CASK: variants seen among roughly 807,000 people sequenced by gnomAD.
CASK encodes the protein calcium/calmodulin dependent serine protein kinase.
A neutral mutation model predicts 82.9 loss-of-function variants in CASK; 4 were observed. The ratio of observed to expected loss-of-function variants is 0.05; its 90% CI spans 0.02 to 0.11. CASK has a LOEUF of 0.11. CASK is among the 10% of genes least tolerant of loss of function. The pLI is 1.00. For synonymous variants in CASK, 259 were observed against 253.5 expected (o/e 1.02, Z -0.20); for missense variants, 358 against 720.9 (o/e 0.50, Z 5.76).
At chrX:41,638,605 T>G (rs2066597990) in intron 8 of CASK, among the ~76,000 whole-genome samples, 1 of 110,639 alleles carries the variant, frequency 9.0e-6, no homozygotes, top group Non-Finnish European at 1.9e-5. Context: ...AAAGTGACAT[T>G]TAGAAGAGGT....
chrX:41,551,747 G>C (rs2065099588), intron 21 of CASK, among the ~76,000 whole-genome samples: 1 of 107,832 alleles, frequency 9.3e-6, no homozygotes, highest in Admixed American at 9.9e-5. Context: ...ATATGTGGTG[G>C]CGGGTGCCTG....
rs142171578 is a variant in CASK, at chrX:41,882,839, T to C, written c.60-29612A>G. ...TCCTTTCTTGGCAATTACATCCACATATTTCTTCCGTCATACTTTTTCCTT... is the reference window on the plus strand; with the variant it reads ...TCCTTTCTTGGCAATTACATCCACACATTTCTTCCGTCATACTTTTTCCTT... On this transcript the variant is annotated intron_variant, in intron 1 of 26. Transcript: ENST00000378163. Among the ~76,000 whole-genome samples the C allele has an allele frequency of 7.3e-3, 816 of 111,893 alleles. 9 individuals carry two copies. The highest frequency in any genetic ancestry group is 0.025 in the African/African-American group (781 of 30,870).
Position 41,833,272 on chromosome X carries a change from A to G in CASK, c.172+19843T>C, listed in dbSNP as rs142709761. Among the ~76,000 whole-genome samples, 140 of 112,129 alleles carry G rather than the reference A, an allele frequency of 1.2e-3. 2 individuals carry two copies. The highest frequency in any genetic ancestry group is 4.4e-3 in the African/African-American group (136 of 30,864). ...CAACCCAAATGTACATCAACTAATG[A>G]ATCGATATATATCTACACAATGGAA... On this transcript the variant is annotated intron_variant, in intron 2 of 26. Coordinates refer to ENST00000378163, the MANE Select transcript of CASK (RefSeq NM_001367721.1).
chrX:41,706,776 C>A (rs1273385402), intron 5 of CASK, among the ~76,000 whole-genome samples: 3 of 111,640 alleles, frequency 2.7e-5, no homozygotes, highest in Non-Finnish European at 3.8e-5. Flanking sequence ...CTCAGTCTCC[C>A]ACGTAGTAGG....
intron 16 of CASK, among the ~76,000 whole-genome samples, chrX:41,568,257 G>GA (rs1158121226): frequency 1.1e-3 from 115 of 100,827 alleles, no homozygotes; most frequent in African/African-American, 3.3e-3. Context: ...AAAAAGAAAA[G>GA]AAAAAAAAAA....
chrX:41,833,860 C>A (rs1007162773), intron 2 of CASK, among the ~76,000 whole-genome samples: 1 of 111,402 alleles, frequency 9.0e-6, no homozygotes, highest in Non-Finnish European at 1.9e-5. Context: ...GCGATCCTCC[C>A]ACCTCAGCCT....
At chrX:41,587,526 C>T (rs2065675145) in intron 13 of CASK, 1 of 112,285 alleles carries the variant, frequency 8.9e-6, no homozygotes. Context: ...CCTGCCGGAT[C>T]AATGTTTTTC....
At position 41,812,271 on chromosome X, in the gene CASK, G is replaced by GCA. The variant is rs756826468; in HGVS notation, c.173-24990_173-24989dup. Among the ~76,000 whole-genome samples, 46 of 111,536 alleles carry GCA rather than the reference G, an allele frequency of 4.1e-4. No individual in the cohort carries two copies. In the East Asian group the frequency reaches 0.011, roughly 27 times the overall value. ...AGCATCATCCTGATACCAAAGGCTGGCAGAGGCACAACAAAAAAAAGGGAA... is the reference window on the plus strand; with the variant it reads ...AGCATCATCCTGATACCAAAGGCTGGCACAGAGGCACAACAAAAAAAAGGGAA... On this transcript the variant is annotated intron_variant, in intron 2 of 26. Coordinates refer to ENST00000378163, the MANE Select transcript of CASK (RefSeq NM_001367721.1).
rs1219917604 is a variant in CASK, at chrX:41,923,286, A to G, written c.-298T>C. On this transcript the variant is annotated 5_prime_UTR_variant, in exon 1 of 27. Transcript: ENST00000378163. ...TCGGGCCGCGCTGCCCGGCGTGCGG[A>G]TCCTCGGGGACCGCGCGGCGTCGCG... The G allele has an allele frequency of 9.4e-6, 1 of 106,606 alleles. No homozygotes were observed. Among genetic ancestry groups the G allele is most frequent in the Non-Finnish European group, 2.0e-5 (1 of 51,023 alleles). 8.8% of individuals were successfully genotyped at this position (106,606 alleles called of 1,213,427 possible).
intron 1 of CASK, among the ~76,000 whole-genome samples, chrX:41,904,155 G>A (rs1462656769): frequency 3.6e-5 from 4 of 111,818 alleles, no homozygotes; most frequent in African/African-American, 1.3e-4. Flanking sequence ...GGTCTTTTGT[G>A]TTTGGCATCT....
intron 1 of CASK, among the ~76,000 whole-genome samples, chrX:41,893,314 A>G (rs780871547): frequency 8.4e-4 from 94 of 112,274 alleles, no homozygotes; most frequent in African/African-American, 2.8e-3. Context: ...AGAAAGCCCC[A>G]TGGCCAGGGG....
rs1433643154 is a variant in CASK, at chrX:41,923,250, T to G, written c.-262A>C. The G allele has an allele frequency of 9.5e-6, 1 of 105,726 alleles. No individual in the cohort carries two copies. Among genetic ancestry groups the G allele is most frequent in the African/African-American group, 3.4e-5 (1 of 29,748 alleles). The allele number at this position is 105,726 out of a possible 1,213,427, so 8.7% of individuals were successfully genotyped here. A position where few individuals can be genotyped will look rare whatever the true frequency, so the allele number is the denominator to read the frequency against. On this transcript the variant is annotated 5_prime_UTR_variant, in exon 1 of 27. Coordinates refer to ENST00000378163, the MANE Select transcript of CASK (RefSeq NM_001367721.1). ...CGGCGCCGCCCGCCCGCCCGCTGCT[T>G]CTCGCGCTGCTCGGGCCGCGCTGCC...
chrX:41,548,259 A>C (rs1370353927), intron 21 of CASK, among the ~76,000 whole-genome samples: 1 of 111,460 alleles, frequency 9.0e-6, no homozygotes, highest in African/African-American at 3.3e-5. Context: ...ATGCATTCCC[A>C]GTACAAATTC....
chrX:41,632,722 C>T (rs1277729370), intron 9 of CASK, among the ~76,000 whole-genome samples: 2 of 111,682 alleles, frequency 1.8e-5, no homozygotes, highest in South Asian at 3.7e-4. Flanking sequence ...AGTGACCAAT[C>T]AGTAAGTCAG....
chrX:41,515,541 G>C lies in CASK; in HGVS notation c.*4879C>G, dbSNP rs1328506899. The C allele has an allele frequency of 1.8e-5, 2 of 111,906 alleles. No individual in the cohort carries two copies. Among genetic ancestry groups the C allele is most frequent in the Non-Finnish European group, 3.8e-5 (2 of 53,153 alleles). The allele number at this position is 111,906 out of a possible 1,213,427, so 9.2% of individuals were successfully genotyped here. On this transcript the variant is annotated 3_prime_UTR_variant, in exon 27 of 27. Transcript: ENST00000378163. ...TACACTGCAATTAAACACGATACTC[G>C]GGTCTTAGCACGTGAGGATTGGGCG...
chrX:41,612,543 C>T (rs1320257346), intron 11 of CASK, among the ~76,000 whole-genome samples: 5 of 106,776 alleles, frequency 4.7e-5, no homozygotes, highest in African/African-American at 1.4e-4. Flanking sequence ...GTCAGCCCCC[C>T]GCCCGGCCAG....
At chrX:41,775,456 C>A (rs1277205828) in intron 3 of CASK, among the ~76,000 whole-genome samples, 26 of 105,651 alleles carry the variant, frequency 2.5e-4, no homozygotes, top group Admixed American at 7.1e-4. Context: ...ACTAGTTCAA[C>A]CATTGTGGAA....
At chrX:41,863,315 G>A (rs758271066) in intron 1 of CASK, among the ~76,000 whole-genome samples, 7 of 111,694 alleles carry the variant, frequency 6.3e-5, no homozygotes, top group Non-Finnish European at 1.1e-4. Flanking sequence ...TAGCATGAGT[G>A]AATGAGAGGT....
At chrX:41,763,972 G>A in intron 3 of CASK, among the ~76,000 whole-genome samples, 1 of 111,964 alleles carries the variant, frequency 8.9e-6, no homozygotes, top group Middle Eastern at 4.6e-3. Context: ...GTCCTCTAAT[G>A]TTCTTTCACT....
Sources: allele counts gnomAD v4.1 joint callset (sites outside exome capture counted in the v4.1 genomes callset), GRCh38; gene constraint gnomAD v4.1.1; transcripts MANE v1.5; gene names NCBI Gene and HGNC (gene_info 2026-07-23, HGNC 2026-07-21).